KIF13B: variants seen among roughly 807,000 people sequenced by gnomAD.
The protein encoded by KIF13B is kinesin family member 13B.
Under a neutral mutation model 222.0 loss-of-function variants are expected in KIF13B, and 127 were observed. The observed-to-expected ratio is 0.57, with a 90% confidence interval of 0.50 to 0.66. The LOEUF (loss-of-function observed/expected upper bound fraction) is 0.66, where lower values mean the gene tolerates loss of function less well. KIF13B is among the 30% of genes least tolerant of loss of function. KIF13B has a pLI of 0.00. For synonymous variants in KIF13B, 976 were observed against 919.0 expected (o/e 1.06, Z -1.12); for missense variants, 2,173 against 2,379.0 (o/e 0.91, Z 1.80).
intron 33 of KIF13B, 88 bp downstream of exon 33, chr8:29,109,830 G>GC: frequency 2.3e-6 from 3 of 1,282,648 alleles, no homozygotes; most frequent in Non-Finnish European, 3.3e-6. Flanking sequence ...AATGTTAGGT[G>GC]CAACAACACT....
intron 20 of KIF13B, 65 bp from the exon 21 acceptor site, chr8:29,140,256 T>G: frequency 6.3e-7 from 1 of 1,592,716 alleles, no homozygotes; most frequent in Non-Finnish European, 8.5e-7. Flanking sequence ...TGAGATGACC[T>G]CTCTTCTCTT....
At chr8:29,151,145 G>A (rs533317111) in intron 14 of KIF13B, among the ~76,000 whole-genome samples, 3 of 152,310 alleles carry the variant, frequency 2.0e-5, no homozygotes, top group Admixed American at 2.0e-4. Flanking sequence ...TCAGTGGTCT[G>A]GATGGAAAAT....
At chr8:29,149,398 A>T (rs1337051227) in intron 15 of KIF13B, among the ~76,000 whole-genome samples, 2 of 152,218 alleles carry the variant, frequency 1.3e-5, no homozygotes, top group Non-Finnish European at 2.9e-5. Flanking sequence ...TCAGTATGAC[A>T]TCTGGAGCAC....
At chr8:29,162,795 G>A (rs1246229905) in intron 12 of KIF13B, among the ~76,000 whole-genome samples, 1 of 152,140 alleles carries the variant, frequency 6.6e-6, no homozygotes, top group Non-Finnish European at 1.5e-5. Context: ...TCATAACAAA[G>A]TACTATATGA....
chr8:29,074,368 A>G (rs1225377067), intron 38 of KIF13B, among the ~76,000 whole-genome samples: 3 of 152,254 alleles, frequency 2.0e-5, no homozygotes, highest in African/African-American at 7.2e-5. Context: ...AGGATGGTGG[A>G]AAGCACAGAC....
intron 26 of KIF13B, among the ~76,000 whole-genome samples, chr8:29,124,817 A>G (rs1305429318): frequency 1.3e-5 from 2 of 151,178 alleles, no homozygotes; most frequent in African/African-American, 4.9e-5. Flanking sequence ...CGGGAGGCAG[A>G]GGTTGCAATG....
chr8:29,076,487 T>C (rs553355098), intron 37 of KIF13B, among the ~76,000 whole-genome samples: 40 of 152,304 alleles, frequency 2.6e-4, no homozygotes, highest in African/African-American at 9.1e-4. Context: ...GAGGCCTCGA[T>C]GGAGTCAGGC....
At position 29,068,174 on chromosome 8, in the gene KIF13B, C is replaced by T. The variant is rs2133450579; in HGVS notation, c.*2330G>A. 6.6e-6 allele frequency: 1 copy of T among 152,356 alleles called. No individual in the cohort carries two copies. 9.4% of individuals were successfully genotyped at this position (152,356 alleles called of 1,614,324 possible). ...CGGGCCGACCCACACTAAGGTGCCA[C>T]TCCTGGGGCCTTCCAGGAGCGCATC... On this transcript the variant is annotated 3_prime_UTR_variant, in exon 40 of 40. Transcript: ENST00000524189. This position sits in a 1 kb window ranked among gnomAD's most constrained non-coding sequence, Gnocchi z 4.4.
intron 2 of KIF13B, among the ~76,000 whole-genome samples, chr8:29,199,319 A>AATT (rs1201881824): frequency 1.2e-4 from 18 of 152,216 alleles, no homozygotes; most frequent in Non-Finnish European, 2.2e-4. Context: ...TTCTCATGAT[A>AATT]ACTTTGCAAG....
intron 10 of KIF13B, among the ~76,000 whole-genome samples, chr8:29,172,087 T>C (rs1196223117): frequency 1.4e-5 from 2 of 143,618 alleles, no homozygotes; most frequent in African/African-American, 5.1e-5. Flanking sequence ...CTTTTCTTTT[T>C]TTTTTTTTTT....
At chr8:29,260,359 A>G (rs922066464) in intron 1 of KIF13B, among the ~76,000 whole-genome samples, 29 of 152,356 alleles carry the variant, frequency 1.9e-4, no homozygotes, top group African/African-American at 7.0e-4. Context: ...GAGTCTACAC[A>G]GTAAAACTAC....
chr8:29,124,139 GA>G lies in KIF13B; in HGVS notation c.3253-17del. Reference sequence around the variant, plus strand: ...AATCTCGATCCTGGAAGCAAGCAAGGAAAATCATATTCAATGTAATGTCAAG... The same window carrying G: ...AATCTCGATCCTGGAAGCAAGCAAGGAAATCATATTCAATGTAATGTCAAG... On this transcript the variant is annotated splice_polypyrimidine_tract_variant and intron_variant, in intron 26 of 39. Coordinates refer to ENST00000524189, the MANE Select transcript of KIF13B (RefSeq NM_015254.4). 6.9e-7 allele frequency: 1 copy of G among 1,442,638 alleles called. No homozygotes were observed. The highest frequency in any genetic ancestry group is 9.7e-7 in the Non-Finnish European group (1 of 1,026,116). The allele number at this position is 1,442,638 out of a possible 1,614,324, so 89.4% of individuals were successfully genotyped here.
intron 37 of KIF13B, among the ~76,000 whole-genome samples, chr8:29,083,073 G>A (rs996546456): frequency 1.3e-5 from 2 of 152,176 alleles, no homozygotes; most frequent in South Asian, 2.1e-4. Flanking sequence ...AAGCTGCAAT[G>A]AGCCATGATC....
intron 26 of KIF13B, among the ~76,000 whole-genome samples, chr8:29,124,473 C>T (rs1161433538): frequency 2.6e-5 from 4 of 152,128 alleles, no homozygotes; most frequent in African/African-American, 9.7e-5. Context: ...TATGGCTGGG[C>T]GTGGTGGCTC....
chr8:29,093,302 T>G (rs908973282), intron 36 of KIF13B, among the ~76,000 whole-genome samples: 1 of 152,160 alleles, frequency 6.6e-6, no homozygotes, highest in Non-Finnish European at 1.5e-5. Flanking sequence ...TTCAATCTAA[T>G]TTTTCATAAC....
chr8:29,199,574 CAAAAAA>C (rs10579222), intron 2 of KIF13B, among the ~76,000 whole-genome samples: 5 of 119,436 alleles, frequency 4.2e-5, no homozygotes, highest in Admixed American at 8.7e-5. Flanking sequence ...TTCCAAAATC[CAAAAAA>C]AAAAAAAAAA....
intron 2 of KIF13B, among the ~76,000 whole-genome samples, chr8:29,220,382 C>T (rs1295786623): frequency 2.0e-5 from 3 of 152,088 alleles, no homozygotes; most frequent in Non-Finnish European, 4.4e-5. Flanking sequence ...CAGCTAGTTA[C>T]ATATGGGGAT....
In KIF13B at chr8:29,155,717, G is replaced by A. The variant is rs754896527; in HGVS notation, c.1535+9C>T. On this transcript the variant is annotated intron_variant, in intron 14 of 39. Coordinates refer to ENST00000524189, the MANE Select transcript of KIF13B (RefSeq NM_015254.4). ...TCTTGTGATATGAACACTAATTCAAGTATGTTACCTGGTGTTCTTCTGAGG... is the reference window on the plus strand; with the variant it reads ...TCTTGTGATATGAACACTAATTCAAATATGTTACCTGGTGTTCTTCTGAGG... 1 of 1,600,704 alleles carries A rather than the reference G, an allele frequency of 6.2e-7. No homozygotes were observed. The highest frequency in any genetic ancestry group is 1.1e-5 in the South Asian group (1 of 88,676).
intron 18 of KIF13B, among the ~76,000 whole-genome samples, chr8:29,144,325 A>G (rs941358819): frequency 2.0e-5 from 3 of 152,182 alleles, no homozygotes; most frequent in Non-Finnish European, 4.4e-5. Flanking sequence ...CAGTGGCCCA[A>G]TCTCGGCTCA....
Sources: allele counts gnomAD v4.1 joint callset (sites outside exome capture counted in the v4.1 genomes callset), GRCh38; gene constraint gnomAD v4.1.1; non-coding constraint Gnocchi (gnomAD v3.1); transcripts MANE v1.5; gene names NCBI Gene and HGNC (gene_info 2026-07-23, HGNC 2026-07-21).